The following CDH13 variants were observed in gnomAD, a reference collection of about 807,000 sequenced individuals.
CDH13 encodes cadherin 13.
In CDH13, 24 loss-of-function variants were observed where a neutral mutation model predicts 63.8. That is an observed-to-expected ratio of 0.38 (90% CI 0.27 to 0.53). CDH13 has a LOEUF of 0.53. Among genes scored for constraint, CDH13 ranks in the 20% least tolerant of loss-of-function variants. The probability of loss-of-function intolerance (pLI) is 0.85; values close to 1 mark genes in which losing one functional copy is unlikely to be tolerated. For synonymous variants in CDH13, 503 were observed against 355.3 expected (o/e 1.42, Z -4.67); for missense variants, 1,049 against 903.1 (o/e 1.16, Z -2.07).
chr16:83,500,713 C>G (rs1454251528), intron 7 of CDH13, among the ~76,000 whole-genome samples: 1 of 149,356 alleles, frequency 6.7e-6, no homozygotes, highest in East Asian at 2.0e-4. Context: ...GCTGGGATTA[C>G]AGGAAAGGCA....
At chr16:83,063,735 G>A (rs934178224) in intron 3 of CDH13, among the ~76,000 whole-genome samples, 1 of 152,204 alleles carries the variant, frequency 6.6e-6, no homozygotes, top group African/African-American at 2.4e-5. Context: ...GAGGCCAAAA[G>A]TTCAAAATGA....
At position 83,421,934 on chromosome 16, in the gene CDH13, T is replaced by C. The variant is rs61660257; in HGVS notation, c.782-64543T>C. Among the ~76,000 whole-genome samples the C allele has an allele frequency of 5.3e-4, 80 of 152,350 alleles. No individual in the cohort carries two copies. The East Asian group carries it at 0.011, about 21-fold the overall frequency. On this transcript the variant is annotated intron_variant, in intron 6 of 13. Transcript: ENST00000567109. ...ACAAAGTTTTGGCAATCCTTAGCCA[T>C]GATATTTTGGTTGCTAAAATTGATG...
chr16:83,526,804 C>G (rs1397721048), intron 7 of CDH13, among the ~76,000 whole-genome samples: 1 of 152,166 alleles, frequency 6.6e-6, no homozygotes, highest in Non-Finnish European at 1.5e-5. Flanking sequence ...TGCTGGCAAT[C>G]CCAGTAATTG....
At chr16:83,674,287 GC>G (rs2150863834) in intron 9 of CDH13, among the ~76,000 whole-genome samples, 1 of 152,346 alleles carries the variant, frequency 6.6e-6, no homozygotes, top group East Asian at 1.9e-4. Flanking sequence ...TGCCTCAGAT[GC>G]TTTTGACATT....
intron 2 of CDH13, among the ~76,000 whole-genome samples, chr16:82,961,807 G>A (rs1333592799): frequency 3.3e-5 from 5 of 152,154 alleles, no homozygotes; most frequent in African/African-American, 1.2e-4. Context: ...GAAATGTCTG[G>A]AGACTTTTGG....
chr16:83,182,379 G>A (rs1379652385), intron 4 of CDH13, among the ~76,000 whole-genome samples: 1 of 152,122 alleles, frequency 6.6e-6, no homozygotes, highest in Non-Finnish European at 1.5e-5. Context: ...CAGACCCCTT[G>A]GTCTTCTGTC....
At chr16:83,367,836 A>C (rs755389964) in intron 6 of CDH13, among the ~76,000 whole-genome samples, 1 of 152,216 alleles carries the variant, frequency 6.6e-6, no homozygotes, top group African/African-American at 2.4e-5. Context: ...TGGAATTTTG[A>C]AAGGCACTGT....
intron 1 of CDH13, among the ~76,000 whole-genome samples, chr16:82,674,912 CATAA>C (rs1274768412): frequency 6.6e-6 from 1 of 151,940 alleles, no homozygotes; most frequent in Non-Finnish European, 1.5e-5. Context: ...TTCAAAAAGT[CATAA>C]TCTATTAATT....
chr16:83,723,820 A>G (rs538873350), intron 10 of CDH13, among the ~76,000 whole-genome samples: 9 of 152,358 alleles, frequency 5.9e-5, no homozygotes, highest in Admixed American at 5.9e-4. Context: ...CTACACAATA[A>G]ATATTGAAAG....
intron 4 of CDH13, among the ~76,000 whole-genome samples, chr16:83,215,501 G>GA (rs59699629): frequency 0.021 from 3,047 of 148,182 alleles, 102 homozygotes; most frequent in African/African-American, 0.066. Flanking sequence ...TTTTTAATCG[G>GA]AAAAAAAAAA....
chr16:83,514,488 A>G (rs1598198605), intron 7 of CDH13, among the ~76,000 whole-genome samples: 1 of 152,168 alleles, frequency 6.6e-6, no homozygotes, highest in Non-Finnish European at 1.5e-5. Flanking sequence ...CACTAAAAAT[A>G]CAAAAAATTA....
chr16:83,201,995 C>G (rs1437963703), intron 4 of CDH13, among the ~76,000 whole-genome samples: 2 of 152,164 alleles, frequency 1.3e-5, no homozygotes, highest in Admixed American at 1.3e-4. Context: ...TTTGAGCCTG[C>G]ATGGGATTCA....
At chr16:82,690,019 T>G (rs1370959407) in intron 1 of CDH13, among the ~76,000 whole-genome samples, 1 of 20,244 alleles carries the variant, frequency 4.9e-5, no homozygotes, top group Non-Finnish European at 1.3e-4. Flanking sequence ...AAAAAAAAAA[T>G]TAGCCAGGCA....
At chr16:82,860,782 T>C (rs1409074717) in intron 2 of CDH13, among the ~76,000 whole-genome samples, 1 of 152,206 alleles carries the variant, frequency 6.6e-6, no homozygotes, top group Non-Finnish European at 1.5e-5. Context: ...GACTTGAGAA[T>C]GCCTATTGAA....
intron 1 of CDH13, among the ~76,000 whole-genome samples, chr16:82,834,207 A>G (rs1164603543): frequency 6.6e-6 from 1 of 152,182 alleles, no homozygotes; most frequent in Non-Finnish European, 1.5e-5. Context: ...AGGCTGACAC[A>G]TCTTTCAGAT....
chr16:83,024,602 C>T (rs1915632377), intron 2 of CDH13, among the ~76,000 whole-genome samples: 1 of 152,126 alleles, frequency 6.6e-6, no homozygotes, highest in South Asian at 2.1e-4. Flanking sequence ...GTCTCAGTTT[C>T]CACAGAACAC....
intron 6 of CDH13, among the ~76,000 whole-genome samples, chr16:83,362,282 C>G (rs375085373): frequency 6.6e-6 from 1 of 152,300 alleles, no homozygotes; most frequent in African/African-American, 2.4e-5. Flanking sequence ...CTTTGTCAGC[C>G]TGAGTACATT....
chr16:82,758,343 T>C (rs980514327), intron 1 of CDH13, among the ~76,000 whole-genome samples: 8 of 152,154 alleles, frequency 5.3e-5, no homozygotes, highest in African/African-American at 1.9e-4. Context: ...GGGAAGTTGA[T>C]TGAGGAACTG....
At chr16:83,713,815 A>G (rs760662387) in intron 10 of CDH13, among the ~76,000 whole-genome samples, 2 of 152,204 alleles carry the variant, frequency 1.3e-5, no homozygotes, top group South Asian at 4.1e-4. Context: ...TCAGCCCTGC[A>G]TGTGCCGTCA....
Sources: gnomAD v4.1 joint callset for allele counts (sites outside exome capture counted in the v4.1 genomes callset) on GRCh38, gnomAD v4.1.1 for gene constraint, MANE v1.5 for transcripts, NCBI Gene and HGNC (gene_info 2026-07-23, HGNC 2026-07-21) for gene names.